Variants in DAG1 observed in about 807,000 individuals in gnomAD.
DAG1 encodes dystroglycan 1.
Under a neutral mutation model 46.1 loss-of-function variants are expected in DAG1, and 8 were observed. That is an observed-to-expected ratio of 0.17 (90% CI 0.10 to 0.31). The LOEUF is 0.31. DAG1 is among the 10% of genes least tolerant of loss of function. The pLI, the probability that DAG1 is intolerant of heterozygous loss-of-function variation, is 1.00. For synonymous variants in DAG1, 495 were observed against 481.8 expected (o/e 1.03, Z -0.36); for missense variants, 1,003 against 1,189.9 (o/e 0.84, Z 2.31).
chr3:49,524,188 C>G (rs937042640), intron 2 of DAG1, among the ~76,000 whole-genome samples: 19 of 152,136 alleles, frequency 1.2e-4, no homozygotes, highest in Non-Finnish European at 2.8e-4. Context: ...AGCTGAGTCC[C>G]TTTGGGAGGG....
intron 1 of DAG1, among the ~76,000 whole-genome samples, chr3:49,497,277 A>C (rs1462980375): frequency 2.6e-5 from 4 of 151,946 alleles, no homozygotes; most frequent in Non-Finnish European, 5.9e-5. Flanking sequence ...TCCCTACTAA[A>C]AATACAAAAA....
chr3:49,475,829 G>A (rs1420636457), intron 1 of DAG1, among the ~76,000 whole-genome samples: 6 of 151,136 alleles, frequency 4.0e-5, no homozygotes, highest in Middle Eastern at 3.5e-3. Flanking sequence ...TCGGCCTCCC[G>A]AGTAGCTGGG....
intron 1 of DAG1, among the ~76,000 whole-genome samples, chr3:49,474,950 T>C (rs1448757721): frequency 6.6e-6 from 1 of 151,992 alleles, no homozygotes; most frequent in African/African-American, 2.4e-5. Context: ...TAGCTGGGAC[T>C]ACAGGCGCCC....
chr3:49,498,370 T>C (rs1459803096), intron 1 of DAG1, among the ~76,000 whole-genome samples: 1 of 152,316 alleles, frequency 6.6e-6, no homozygotes, highest in East Asian at 1.9e-4. Flanking sequence ...CAAAAAGGCC[T>C]GTTTTTAACT....
At chr3:49,475,220 T>C (rs1315526657) in intron 1 of DAG1, among the ~76,000 whole-genome samples, 1 of 151,840 alleles carries the variant, frequency 6.6e-6, no homozygotes, top group Non-Finnish European at 1.5e-5. Flanking sequence ...TTCTCCTGCC[T>C]CAGCCTCCCG....
chr3:49,482,527 A>G (rs976168878), intron 1 of DAG1, among the ~76,000 whole-genome samples: 2 of 152,290 alleles, frequency 1.3e-5, no homozygotes, highest in African/African-American at 2.4e-5. Flanking sequence ...CTGCCTTGTT[A>G]TTCTTTACTC....
chr3:49,471,345 G>C (rs2049513507), intron 1 of DAG1, among the ~76,000 whole-genome samples: 1 of 152,188 alleles, frequency 6.6e-6, no homozygotes, highest in Admixed American at 6.6e-5. Context: ...TAAAGAGCTG[G>C]ATGTGCTTTC....
chr3:49,503,127 T>C (rs2050503509), intron 1 of DAG1, among the ~76,000 whole-genome samples: 1 of 152,152 alleles, frequency 6.6e-6, no homozygotes, highest in Non-Finnish European at 1.5e-5. Flanking sequence ...CACTTTCCTG[T>C]CTGTGTGCCT....
At chr3:49,502,421 C>T (rs2050477258) in intron 1 of DAG1, among the ~76,000 whole-genome samples, 2 of 152,168 alleles carry the variant, frequency 1.3e-5, no homozygotes, top group African/African-American at 4.8e-5. Context: ...CTGTGGTGGG[C>T]AAAAGTGACC....
In DAG1 at chr3:49,470,350, C is replaced by G. The variant is rs1248641895; in HGVS notation, c.-200C>G. 6.6e-6 allele frequency: 1 copy of G among 152,604 alleles called. No individual in the cohort carries two copies. Among genetic ancestry groups the G allele is most frequent in the African/African-American group, 2.4e-5 (1 of 41,430 alleles). 9.5% of individuals were successfully genotyped at this position (152,604 alleles called of 1,614,324 possible). ...GGCGGTGGCGGCGGCGGCAGCTTCGCGCCGAATCCCCGGGGAGCGGCGGTG... is the reference window on the plus strand; with the variant it reads ...GGCGGTGGCGGCGGCGGCAGCTTCGGGCCGAATCCCCGGGGAGCGGCGGTG... On this transcript the variant is annotated 5_prime_UTR_variant, in exon 1 of 3. Transcript: ENST00000308775.
rs369144779 is a variant in DAG1 at position 49,512,803 on chromosome 3, A to G, written c.285+1984A>G. Among the ~76,000 whole-genome samples, 18 of 151,798 alleles carry G rather than the reference A, an allele frequency of 1.2e-4. No individual in the cohort carries two copies. The East Asian group carries it at 2.5e-3, about 21-fold the overall frequency. On this transcript the variant is annotated intron_variant, in intron 2 of 2. Coordinates refer to ENST00000308775, the MANE Select transcript of DAG1 (RefSeq NM_004393.6). ...GGCAACATGGTGAAACCCCAACTCT[A>G]CAAAAAATACAAAAATTAGTTACAA...
intron 2 of DAG1, among the ~76,000 whole-genome samples, chr3:49,527,106 T>C (rs946612672): frequency 3.9e-5 from 6 of 152,166 alleles, no homozygotes; most frequent in African/African-American, 1.4e-4. Flanking sequence ...AAAAGTGCCC[T>C]TGTGGCCGGG....
Position 49,531,681 on chromosome 3 carries a change from G to A in DAG1, c.1170G>A (p.Val390=). ...TAGGCCCCATCCAGCCTACTCGGGT[G>A]TCAGAAGCTGGCACCACAGTTCCTG... The part of the protein sequence containing the change: ...PTLGPIQPTR[V]SEAGTTVPGQ... The change falls in exon 3 of 3, where the codon GTG becomes GTA. Residue 390 remains valine (V), a synonymous_variant. Transcript: ENST00000308775. This position sits in a 1 kb window ranked among gnomAD's most constrained non-coding sequence, Gnocchi z 7.0. The A allele has an allele frequency of 1.2e-6, 2 of 1,613,626 alleles. No homozygotes were observed. Among genetic ancestry groups the A allele is most frequent in the Non-Finnish European group, 1.7e-6 (2 of 1,179,668 alleles).
intron 1 of DAG1, among the ~76,000 whole-genome samples, chr3:49,497,268 C>G (rs750481243): frequency 2.4e-4 from 36 of 152,026 alleles, no homozygotes; most frequent in African/African-American, 8.7e-4. Flanking sequence ...GAAATCCCAT[C>G]CCTACTAAAA....
At chr3:49,524,356 GT>G (rs535843919) in intron 2 of DAG1, among the ~76,000 whole-genome samples, 1 of 152,278 alleles carries the variant, frequency 6.6e-6, no homozygotes, top group South Asian at 2.1e-4. Context: ...AATTAGGTTT[GT>G]TTTGCTTCCT....
chr3:49,473,193 A>G (rs1575330269), intron 1 of DAG1, among the ~76,000 whole-genome samples: 1 of 151,852 alleles, frequency 6.6e-6, no homozygotes, highest in Non-Finnish European at 1.5e-5. Flanking sequence ...AGGCGGGTGG[A>G]TCACGAGGTC....
intron 1 of DAG1, among the ~76,000 whole-genome samples, chr3:49,472,517 A>G (rs1240302452): frequency 1.3e-5 from 2 of 152,262 alleles, no homozygotes; most frequent in East Asian, 3.9e-4. Context: ...TGATTATTAA[A>G]AACTTTATCG....
intron 1 of DAG1, among the ~76,000 whole-genome samples, chr3:49,501,562 A>G (rs1326776248): frequency 6.6e-6 from 1 of 152,224 alleles, no homozygotes; most frequent in Non-Finnish European, 1.5e-5. Flanking sequence ...CTGTAATCCC[A>G]GCACTTTGGG....
upstream of DAG1, among the ~76,000 whole-genome samples, chr3:49,469,377 G>C (rs537587017): frequency 2.0e-5 from 3 of 152,208 alleles, no homozygotes; most frequent in Non-Finnish European, 4.4e-5. Flanking sequence ...GAAGTCTGGG[G>C]CTTTTGGGGT....
Sources: gnomAD v4.1 joint callset for allele counts (sites outside exome capture counted in the v4.1 genomes callset) on GRCh38, gnomAD v4.1.1 for gene constraint, Gnocchi (gnomAD v3.1) non-coding constraint, MANE v1.5 for transcripts, NCBI Gene and HGNC (gene_info 2026-07-23, HGNC 2026-07-21) for gene names.